STPG2: variants seen among roughly 807,000 people sequenced by gnomAD.
STPG2 encodes sperm tail PG-rich repeat containing 2.
Under a neutral mutation model 54.2 loss-of-function variants are expected in STPG2, and 56 were observed. The observed-to-expected ratio is 1.03, with a 90% CI of 0.83 to 1.29. The LOEUF is 1.29. Ranked by LOEUF, STPG2 falls within the 50% of genes most tolerant of loss-of-function variation. The probability of loss-of-function intolerance (pLI) is 0.00; values close to 1 mark genes in which losing one functional copy is unlikely to be tolerated. For synonymous variants in STPG2, 200 were observed against 181.8 expected (o/e 1.10, Z -0.81); for missense variants, 596 against 544.9 (o/e 1.09, Z -0.93).
At chr4:97,747,222 A>C (rs1047433659) in intron 9 of STPG2, among the ~76,000 whole-genome samples, 2 of 151,354 alleles carry the variant, frequency 1.3e-5, no homozygotes, top group Non-Finnish European at 3.0e-5. Context: ...ACTTCCATGC[A>C]CTGCAATCTA....
intron 4 of STPG2, among the ~76,000 whole-genome samples, chr4:97,540,543 G>C (rs1425492376): frequency 6.6e-6 from 1 of 152,250 alleles, no homozygotes; most frequent in East Asian, 1.9e-4. Flanking sequence ...TTCTACCAGA[G>C]TTACAAGGAG....
At chr4:98,012,048 T>C (rs1735771951) in intron 5 of STPG2, among the ~76,000 whole-genome samples, 1 of 152,238 alleles carries the variant, frequency 6.6e-6, no homozygotes, top group Non-Finnish European at 1.5e-5. Context: ...TCCTGAATGA[T>C]ATTGTCTAGG....
chr4:97,534,052 G>A lies in STPG2; in HGVS notation c.462+178647C>T, dbSNP rs78948588. Among the ~76,000 whole-genome samples the A allele has an allele frequency of 5.6e-3, 859 of 152,098 alleles. 19 individuals carry two copies. Among genetic ancestry groups the A allele is most frequent in the Admixed American group, 0.037 (571 of 15,258 alleles). On this transcript the variant is annotated intron_variant, in intron 4 of 4. Coordinates refer to the STPG2 transcript ENST00000522676. The stretch of plus-strand genomic sequence containing the variant: ...AACATATGAGAGTTCCAATTCTTCC[G>A]CATTGTAACCAACACTTCATTTGTT...
In STPG2 at chr4:97,530,911, G is replaced by A. The variant is rs1731399494; in HGVS notation, c.462+181788C>T. ...CTGGACTTAGCCAGTGCTCATACAT[G>A]GAGGATGCATCTGGGCTAGAAGTAG... On this transcript the variant is annotated intron_variant, in intron 4 of 4. Coordinates refer to the STPG2 transcript ENST00000522676. Among the ~76,000 whole-genome samples, 3 of 152,118 alleles carry A rather than the reference G, an allele frequency of 2.0e-5. No homozygotes were observed. The South Asian group carries it at 6.2e-4, about 32-fold the overall frequency.
chr4:97,563,778 G>A (rs1436754416), intron 10 of STPG2, among the ~76,000 whole-genome samples: 1 of 152,118 alleles, frequency 6.6e-6, no homozygotes, highest in African/African-American at 2.4e-5. Context: ...CTGAGTTCTG[G>A]TTTGATTGCA....
intron 8 of STPG2, among the ~76,000 whole-genome samples, chr4:97,845,455 A>G (rs1342942693): frequency 6.6e-6 from 1 of 152,144 alleles, no homozygotes. Context: ...TTATCTTTAC[A>G]TTTGAATTTG....
At chr4:98,009,929 G>A (rs752653739) in intron 5 of STPG2, among the ~76,000 whole-genome samples, 1 of 151,680 alleles carries the variant, frequency 6.6e-6, no homozygotes, top group Non-Finnish European at 1.5e-5. Flanking sequence ...TGATTCTTTG[G>A]ATTTCTGTGG....
At chr4:97,743,629 T>C (rs1725334323) in intron 9 of STPG2, among the ~76,000 whole-genome samples, 1 of 151,636 alleles carries the variant, frequency 6.6e-6, no homozygotes, top group Non-Finnish European at 1.5e-5. Flanking sequence ...TTTAGCATCT[T>C]TGTGCTAGAG....
intron 10 of STPG2, among the ~76,000 whole-genome samples, chr4:97,575,866 C>T (rs1311744145): frequency 6.6e-6 from 1 of 152,126 alleles, no homozygotes; most frequent in Non-Finnish European, 1.5e-5. Flanking sequence ...CTCAAATAGC[C>T]TAATGGCTCT....
At chr4:97,595,035 A>G (rs1407920216) in intron 10 of STPG2, among the ~76,000 whole-genome samples, 1 of 152,212 alleles carries the variant, frequency 6.6e-6, no homozygotes, top group Non-Finnish European at 1.5e-5. Context: ...TGTGGAAGTC[A>G]GTGTGGCGAT....
chr4:98,111,339 C>A (rs1367518908), intron 3 of STPG2, among the ~76,000 whole-genome samples: 2 of 152,128 alleles, frequency 1.3e-5, no homozygotes, highest in African/African-American at 4.8e-5. Context: ...TGGAGATGTG[C>A]ACCAGTGCCA....
intron 4 of STPG2, among the ~76,000 whole-genome samples, chr4:97,512,024 A>T (rs1289602492): frequency 6.6e-6 from 1 of 152,050 alleles, no homozygotes; most frequent in Non-Finnish European, 1.5e-5. Context: ...CTGTTTTTTC[A>T]ACTTTTTTTT....
intron 9 of STPG2, among the ~76,000 whole-genome samples, chr4:97,814,186 ACTT>A (rs1384246228): frequency 1.3e-5 from 2 of 152,210 alleles, no homozygotes; most frequent in Admixed American, 6.5e-5. Flanking sequence ...TATTAATTTC[ACTT>A]TAGTGACTTA....
intron 8 of STPG2, among the ~76,000 whole-genome samples, chr4:97,903,702 T>A (rs1192193485): frequency 2.0e-5 from 3 of 152,128 alleles, no homozygotes; most frequent in Non-Finnish European, 4.4e-5. Flanking sequence ...TTCATCTCAC[T>A]AGGGAGTGCC....
intron 4 of STPG2, among the ~76,000 whole-genome samples, chr4:97,473,968 T>A (rs1266857647): frequency 6.6e-6 from 1 of 151,892 alleles, no homozygotes; most frequent in Non-Finnish European, 1.5e-5. Context: ...AATAGAGGGT[T>A]TTTTTTTGAT....
At chr4:97,677,862 T>G (rs1722897682) in intron 10 of STPG2, among the ~76,000 whole-genome samples, 1 of 152,196 alleles carries the variant, frequency 6.6e-6, no homozygotes, top group Non-Finnish European at 1.5e-5. Flanking sequence ...ATAGTTACTT[T>G]TATCTTGATT....
chr4:97,962,080 T>G (rs1437525082), intron 7 of STPG2, among the ~76,000 whole-genome samples: 1 of 152,198 alleles, frequency 6.6e-6, no homozygotes, highest in East Asian at 1.9e-4. Context: ...GACTGGAGAC[T>G]ATTATTCTTA....
chr4:98,055,872 T>G (rs1054192742), intron 5 of STPG2, among the ~76,000 whole-genome samples: 1 of 152,098 alleles, frequency 6.6e-6, no homozygotes, highest in Non-Finnish European at 1.5e-5. Context: ...CAGGGCAGTT[T>G]TGAATGCTCT....
In STPG2 at chr4:97,538,020, C is replaced by A. The variant is rs545250993; in HGVS notation, c.462+174679G>T. On this transcript the variant is annotated intron_variant, in intron 4 of 4. Transcript: ENST00000522676. ...AAGGAAAACTAGCAAACACAAAGGA[C>A]ATCCACACCAAAACCCCATCTGTAC... Among the ~76,000 whole-genome samples the A allele has an allele frequency of 4.1e-3, 631 of 152,276 alleles. 3 individuals are homozygous for A. Among genetic ancestry groups the A allele is most frequent in the South Asian group, 0.02 (98 of 4,824 alleles).
Sources: allele counts gnomAD v4.1 joint callset (sites outside exome capture counted in the v4.1 genomes callset), GRCh38; gene constraint gnomAD v4.1.1; transcripts MANE v1.5; gene names NCBI Gene and HGNC (gene_info 2026-07-23, HGNC 2026-07-21).